ARHGAP26: variants seen among roughly 807,000 people sequenced by gnomAD.
The protein encoded by ARHGAP26 is Rho GTPase activating protein 26.
ARHGAP26 carries 38 observed loss-of-function variants against 104.8 expected under a neutral mutation model. That is an observed-to-expected ratio of 0.36 (90% CI 0.28 to 0.48). The LOEUF (loss-of-function observed/expected upper bound fraction) is 0.48. ARHGAP26 is among the 20% of genes least tolerant of loss of function. ARHGAP26 has a pLI of 0.99. For missense variants in ARHGAP26, 704 were observed against 947.9 expected, an observed-to-expected ratio of 0.74 and a Z score of 3.38; for synonymous variants, 341 against 340.0, an observed-to-expected ratio of 1.00 and a Z score of -0.03.
chr5:142,891,845 C>T (rs1758705884), intron 5 of ARHGAP26, among the ~76,000 whole-genome samples: 1 of 151,882 alleles, frequency 6.6e-6, no homozygotes, highest in Admixed American at 6.5e-5. Context: ...AGTGTTTTGT[C>T]ATTGAAATAT....
intron 4 of ARHGAP26, among the ~76,000 whole-genome samples, chr5:142,883,252 C>T (rs1469842668): frequency 2.0e-5 from 3 of 152,152 alleles, no homozygotes; most frequent in Non-Finnish European, 2.9e-5. Flanking sequence ...TGTCTGGGAC[C>T]AGGATTCTCC....
rs190654827 is a variant in ARHGAP26, at chr5:142,865,383, A to G, written c.155-8017A>G. 4.5e-3 allele frequency among the ~76,000 whole-genome samples: 680 copies of G among 152,048 alleles called. 6 individuals are homozygous for G. The highest frequency in any genetic ancestry group is 0.012 in the Admixed American group (179 of 15,272). On this transcript the variant is annotated intron_variant, in intron 1 of 22. Coordinates refer to ENST00000645722, the MANE Select transcript of ARHGAP26 (RefSeq NM_001135608.3). ...TCTTATGAGGAAAAGCCAATACAGCACTTTGGAAATACATATGTATTTGTA... is the reference window on the plus strand; with the variant it reads ...TCTTATGAGGAAAAGCCAATACAGCGCTTTGGAAATACATATGTATTTGTA...
chr5:142,856,620 G>A (rs963063955), intron 1 of ARHGAP26, among the ~76,000 whole-genome samples: 2 of 152,120 alleles, frequency 1.3e-5, no homozygotes, highest in Non-Finnish European at 2.9e-5. Flanking sequence ...AGTCAACTGC[G>A]GATGGAGAAT....
intron 17 of ARHGAP26, among the ~76,000 whole-genome samples, chr5:143,067,087 G>A (rs1269008897): frequency 2.0e-5 from 3 of 151,366 alleles, no homozygotes; most frequent in East Asian, 2.0e-4. Flanking sequence ...TTTCATCTCC[G>A]ATGCAGCTGT....
intron 21 of ARHGAP26, among the ~76,000 whole-genome samples, chr5:143,213,236 T>A (rs34455030): frequency 0.38 from 57,790 of 152,112 alleles, 13,297 homozygotes; most frequent in African/African-American, 0.65. Flanking sequence ...TCCCCAGGTG[T>A]TTCGGATGCA....
In ARHGAP26 at chr5:143,147,174, A is replaced by G; in HGVS notation, c.1838-57A>G. On this transcript the variant is annotated intron_variant, in intron 19 of 22. Coordinates refer to ENST00000645722, the MANE Select transcript of ARHGAP26 (RefSeq NM_001135608.3). ...CTTTATACATTTTTGTGCATGTAGC[A>G]ATAGACTGTCCCTATGCAATAATAT... 5 of 1,573,284 alleles carry G rather than the reference A, an allele frequency of 3.2e-6. No homozygotes were observed. The South Asian group carries it at 5.8e-5, about 18-fold the overall frequency.
chr5:143,143,094 G>T (rs946331906), intron 19 of ARHGAP26, among the ~76,000 whole-genome samples: 13 of 151,890 alleles, frequency 8.6e-5, no homozygotes, highest in Non-Finnish European at 1.6e-4. Flanking sequence ...TCTTCTTTTT[G>T]CCCTCTACTC....
intron 17 of ARHGAP26, among the ~76,000 whole-genome samples, chr5:143,115,954 G>A (rs1055027506): frequency 2.0e-5 from 3 of 152,052 alleles, no homozygotes; most frequent in Admixed American, 1.3e-4. Context: ...AGTAGTTCAC[G>A]GCATATAAGT....
chr5:142,776,921 A>G (rs992168778), intron 1 of ARHGAP26, among the ~76,000 whole-genome samples: 1 of 152,122 alleles, frequency 6.6e-6, no homozygotes, highest in African/African-American at 2.4e-5. Context: ...ATCCTCGCCA[A>G]TACTTGTTGT....
intron 20 of ARHGAP26, chr5:143,202,482 CATAAAATA>C (rs1807913829): frequency 8.5e-6 from 1 of 117,620 alleles, no homozygotes; most frequent in African/African-American, 1.0e-4. Flanking sequence ...TGAAAATAGC[CATAAAATA>C]GCCATACTGC....
At chr5:142,984,796 C>A (rs1247559081) in intron 11 of ARHGAP26, among the ~76,000 whole-genome samples, 1 of 152,094 alleles carries the variant, frequency 6.6e-6, no homozygotes, top group Admixed American at 6.6e-5. Context: ...ACAAACCTAC[C>A]ATGCTCTCAG....
chr5:143,189,673 A>G (rs1302965462), intron 20 of ARHGAP26, among the ~76,000 whole-genome samples: 1 of 152,126 alleles, frequency 6.6e-6, no homozygotes, highest in Non-Finnish European at 1.5e-5. Context: ...TGCCTTAGTA[A>G]TTGCTATATT....
At chr5:143,055,897 A>G (rs1244645464) in intron 15 of ARHGAP26, 131 bp from the exon 16 acceptor site, 15 of 623,214 alleles carry the variant, frequency 2.4e-5, no homozygotes, top group Non-Finnish European at 3.9e-5. Flanking sequence ...GGGAAACTAC[A>G]TTGTTATTGT....
intron 1 of ARHGAP26, among the ~76,000 whole-genome samples, chr5:142,823,111 G>A (rs1047012236): frequency 4.6e-5 from 7 of 152,202 alleles, no homozygotes; most frequent in Non-Finnish European, 8.8e-5. Context: ...TTACAGCTGA[G>A]TTTCTTATAA....
At chr5:142,889,458 CA>C (rs576846446) in intron 5 of ARHGAP26, among the ~76,000 whole-genome samples, 23 of 146,172 alleles carry the variant, frequency 1.6e-4, no homozygotes, top group African/African-American at 3.2e-4. Flanking sequence ...AGTGAAAATG[CA>C]AAAAAAAAAT....
At chr5:142,994,150 A>G (rs1221740935) in intron 11 of ARHGAP26, among the ~76,000 whole-genome samples, 1 of 152,228 alleles carries the variant, frequency 6.6e-6, no homozygotes, top group African/African-American at 2.4e-5. Context: ...ACATAGTGCT[A>G]TTGAAATAGA....
At chr5:142,951,689 C>A (rs970801973) in intron 11 of ARHGAP26, among the ~76,000 whole-genome samples, 7 of 152,188 alleles carry the variant, frequency 4.6e-5, no homozygotes, top group Non-Finnish European at 1.0e-4. Context: ...ACAACCTGGC[C>A]ACTCAGAGTA....
chr5:143,137,978 G>A (rs1191417064), intron 19 of ARHGAP26, among the ~76,000 whole-genome samples: 3 of 152,230 alleles, frequency 2.0e-5, no homozygotes, highest in Non-Finnish European at 4.4e-5. Context: ...CTTTGCACCT[G>A]CACTTCAGGC....
At chr5:143,108,439 G>GT (rs559217469) in intron 17 of ARHGAP26, among the ~76,000 whole-genome samples, 345 of 151,876 alleles carry the variant, frequency 2.3e-3, no homozygotes, top group African/African-American at 7.8e-3. Flanking sequence ...ATACATTACT[G>GT]TTTTTTTTCT....
Sources: allele counts gnomAD v4.1 joint callset (sites outside exome capture counted in the v4.1 genomes callset), GRCh38; gene constraint gnomAD v4.1.1; transcripts MANE v1.5; gene names NCBI Gene and HGNC (gene_info 2026-07-23, HGNC 2026-07-21).